EYS: variants seen among roughly 807,000 people sequenced by gnomAD.
The protein encoded by EYS is EGF-like photoreceptor maintenance factor.
A neutral mutation model predicts 282.1 loss-of-function variants in EYS; 250 were observed. The ratio of observed to expected loss-of-function variants is 0.89; its 90% CI spans 0.80 to 0.98. The LOEUF is 0.98. EYS is among the 50% of genes least tolerant of loss of function. EYS has a pLI of 0.00. For synonymous variants in EYS, 1,355 were observed against 1,282.9 expected (o/e 1.06, Z -1.20); for missense variants, 4,016 against 3,709.0 (o/e 1.08, Z -2.15).
chr6:65,558,449 C>T (rs1275672792), intron 2 of EYS, among the ~76,000 whole-genome samples: 1 of 152,222 alleles, frequency 6.6e-6, no homozygotes, highest in Non-Finnish European at 1.5e-5. Flanking sequence ...CCTGCAGGGG[C>T]AGGGGGTTTC....
At chr6:63,795,960 T>C (rs920607909) in intron 37 of EYS, among the ~76,000 whole-genome samples, 3 of 152,194 alleles carry the variant, frequency 2.0e-5, no homozygotes, top group African/African-American at 7.2e-5. Flanking sequence ...GCCCATGAAG[T>C]AACTGTAATT....
intron 1 of EYS, among the ~76,000 whole-genome samples, chr6:65,690,379 C>T (rs1769196679): frequency 6.7e-6 from 1 of 149,782 alleles, no homozygotes; most frequent in Non-Finnish European, 1.5e-5. Flanking sequence ...CCTATCTTAT[C>T]CATATGGACA....
intron 11 of EYS, among the ~76,000 whole-genome samples, chr6:65,322,151 T>C (rs531530910): frequency 2.9e-4 from 44 of 152,310 alleles, no homozygotes; most frequent in African/African-American, 1.0e-3. Context: ...GAAACTGGAC[T>C]AGGCAGGTCA....
intron 35 of EYS, among the ~76,000 whole-genome samples, chr6:63,975,453 A>G (rs990915658): frequency 2.0e-5 from 3 of 152,046 alleles, no homozygotes; most frequent in Admixed American, 6.6e-5. Context: ...AAAAAAAGAA[A>G]AACAGAAAAC....
intron 1 of EYS, among the ~76,000 whole-genome samples, chr6:65,686,673 T>C (rs1179876792): frequency 6.6e-6 from 1 of 152,168 alleles, no homozygotes; most frequent in Non-Finnish European, 1.5e-5. Context: ...GGAATTCTTA[T>C]TTATCCCTTG....
chr6:64,467,806 C>T (rs1775975188), intron 26 of EYS, among the ~76,000 whole-genome samples: 2 of 152,078 alleles, frequency 1.3e-5, no homozygotes, highest in South Asian at 2.1e-4. Flanking sequence ...CCTGCATGCA[C>T]CTTTTGGGGA....
chr6:64,596,957 G>A (rs957801757), intron 24 of EYS, among the ~76,000 whole-genome samples: 2 of 152,038 alleles, frequency 1.3e-5, no homozygotes, highest in African/African-American at 4.8e-5. Flanking sequence ...TTCACACAAT[G>A]CATCCAACAG....
At chr6:65,337,486 A>G (rs916090617) in intron 10 of EYS, among the ~76,000 whole-genome samples, 2 of 151,324 alleles carry the variant, frequency 1.3e-5, no homozygotes, top group Non-Finnish European at 3.0e-5. Context: ...AACAAATTCT[A>G]GCATTTTATG....
At chr6:65,480,285 A>T (rs766797834) in intron 5 of EYS, among the ~76,000 whole-genome samples, 1 of 152,176 alleles carries the variant, frequency 6.6e-6, no homozygotes. Flanking sequence ...TTTTCTACAT[A>T]TCACTAATAA....
chr6:64,826,713 AGCTG>A (rs1765071515), intron 19 of EYS, among the ~76,000 whole-genome samples: 1 of 149,424 alleles, frequency 6.7e-6, no homozygotes, highest in African/African-American at 2.4e-5. Flanking sequence ...TCTGTCAATC[AGCTG>A]TCTTTTTTCA....
intron 11 of EYS, among the ~76,000 whole-genome samples, chr6:65,306,784 G>C (rs1367459158): frequency 8.8e-6 from 1 of 114,090 alleles, no homozygotes; most frequent in Non-Finnish European, 1.7e-5. Flanking sequence ...AGTGAGCTGA[G>C]ATCGTGCCAC....
intron 33 of EYS, among the ~76,000 whole-genome samples, chr6:64,043,731 T>G (rs530979651): frequency 6.6e-6 from 1 of 152,346 alleles, no homozygotes; most frequent in East Asian, 1.9e-4. Flanking sequence ...TCTCTAACAC[T>G]GTTTTGCTGT....
intron 31 of EYS, among the ~76,000 whole-genome samples, chr6:64,111,511 C>T (rs975540022): frequency 2.6e-5 from 4 of 151,840 alleles, no homozygotes; most frequent in African/African-American, 4.8e-5. Context: ...TTTTTTTTCT[C>T]AGAAAAGTAG....
chr6:65,139,768 T>G (rs956708486), intron 12 of EYS, among the ~76,000 whole-genome samples: 1 of 151,972 alleles, frequency 6.6e-6, no homozygotes, highest in Non-Finnish European at 1.5e-5. Flanking sequence ...GAATGTAAAC[T>G]AGTTTGGCCA....
At chr6:64,914,683 A>G (rs1294785396) in intron 15 of EYS, among the ~76,000 whole-genome samples, 1 of 152,134 alleles carries the variant, frequency 6.6e-6, no homozygotes, top group Non-Finnish European at 1.5e-5. Context: ...AGTTACCATT[A>G]AAATAAAAAC....
intron 19 of EYS, among the ~76,000 whole-genome samples, chr6:64,874,259 A>G (rs1462207084): frequency 6.6e-6 from 1 of 152,108 alleles, no homozygotes. Flanking sequence ...GTTAAGATTT[A>G]TAGATTCATT....
chr6:65,468,874 C>G (rs1765104453), intron 5 of EYS, among the ~76,000 whole-genome samples: 1 of 151,988 alleles, frequency 6.6e-6, no homozygotes, highest in African/African-American at 2.4e-5. Context: ...ATGTCCTTCA[C>G]AGATGTTAAA....
At chr6:65,695,427 A>T (rs1364308487) in intron 1 of EYS, among the ~76,000 whole-genome samples, 1 of 152,102 alleles carries the variant, frequency 6.6e-6, no homozygotes, top group Non-Finnish European at 1.5e-5. Context: ...GTTCTGAGAA[A>T]TTCTACTGCA....
intron 9 of EYS, among the ~76,000 whole-genome samples, chr6:65,351,239 G>A (rs1481170469): frequency 6.6e-6 from 1 of 151,572 alleles, no homozygotes; most frequent in Non-Finnish European, 1.5e-5. Flanking sequence ...TTTTCCATTG[G>A]AAAGCCCAAG....
Sources: allele counts gnomAD v4.1 joint callset (sites outside exome capture counted in the v4.1 genomes callset), GRCh38; gene constraint gnomAD v4.1.1; transcripts MANE v1.5; gene names NCBI Gene and HGNC (gene_info 2026-07-23, HGNC 2026-07-21).